GABBR2: variants seen among roughly 807,000 people sequenced by gnomAD.
The protein encoded by GABBR2 is G-protein coupled receptor 51.
A neutral mutation model predicts 105.6 loss-of-function variants in GABBR2; 23 were observed. The ratio of observed to expected loss-of-function variants is 0.22; its 90% CI spans 0.16 to 0.31. The LOEUF (loss-of-function observed/expected upper bound fraction) is 0.31. Ranked by LOEUF, GABBR2 falls within the 10% of genes least tolerant of loss-of-function variation. GABBR2 has a pLI of 1.00. For missense variants in GABBR2, 734 were observed against 1,245.5 expected (o/e 0.59, Z 6.18); for synonymous variants, 478 against 499.7 (o/e 0.96, Z 0.58).
intron 12 of GABBR2, among the ~76,000 whole-genome samples, chr9:98,371,083 C>T (rs1171348878): frequency 6.6e-6 from 1 of 152,108 alleles, no homozygotes; most frequent in African/African-American, 2.4e-5. Context: ...TCTCTCGGCC[C>T]CTGACCACCC....
intron 13 of GABBR2, among the ~76,000 whole-genome samples, chr9:98,350,710 C>T (rs13440113): frequency 5.3e-5 from 8 of 152,312 alleles, no homozygotes; most frequent in African/African-American, 1.9e-4. Context: ...AACGTGTATT[C>T]TGTAGCCATT....
At chr9:98,294,042 G>A in intron 17 of GABBR2, 140 bp from the exon 18 acceptor site, 1 of 674,658 alleles carries the variant, frequency 1.5e-6, no homozygotes, top group Non-Finnish European at 2.7e-6. Flanking sequence ...CTAAGCTGAG[G>A]TCTGTGTAGT....
intron 1 of GABBR2, among the ~76,000 whole-genome samples, chr9:98,698,782 G>A (rs1830790337): frequency 6.6e-6 from 1 of 152,104 alleles, no homozygotes; most frequent in South Asian, 2.1e-4. Context: ...ACAGGCATGA[G>A]CCACTGCACC....
intron 8 of GABBR2, among the ~76,000 whole-genome samples, chr9:98,400,362 A>G (rs1314760981): frequency 6.6e-6 from 1 of 152,148 alleles, no homozygotes; most frequent in Non-Finnish European, 1.5e-5. Flanking sequence ...CCGTCAAAAA[A>G]TGAGGGATCC....
chr9:98,349,356 T>G (rs1289179733), intron 13 of GABBR2, among the ~76,000 whole-genome samples: 7 of 16,832 alleles, frequency 4.2e-4, no homozygotes, highest in Admixed American at 1.1e-3. Context: ...TTTGTTTTTT[T>G]TTTTTTTTTT....
intron 13 of GABBR2, among the ~76,000 whole-genome samples, chr9:98,348,687 A>G (rs893129685): frequency 5.3e-5 from 8 of 152,132 alleles, no homozygotes; most frequent in Non-Finnish European, 1.2e-4. Flanking sequence ...TTTTGTAGCT[A>G]TTATAAATGA....
intron 1 of GABBR2, among the ~76,000 whole-genome samples, chr9:98,677,156 T>C (rs1195295510): frequency 6.6e-6 from 1 of 152,244 alleles, no homozygotes; most frequent in Admixed American, 6.5e-5. Flanking sequence ...GGAGCCCAAC[T>C]GCACTACCGT....
intron 4 of GABBR2, among the ~76,000 whole-genome samples, chr9:98,492,329 C>T (rs1180658205): frequency 4.1e-5 from 3 of 73,724 alleles, no homozygotes; most frequent in Non-Finnish European, 5.6e-5. Flanking sequence ...GTCTTGAGCC[C>T]GCTTAAGTTT....
At position 98,584,151 on chromosome 9, in the gene GABBR2, G is replaced by A. The variant is rs369380074; in HGVS notation, c.322-6079C>T. 3.3e-4 allele frequency among the ~76,000 whole-genome samples: 49 copies of A among 147,378 alleles called. No individual in the cohort carries two copies. In the South Asian group the frequency reaches 8.1e-3, roughly 24 times the overall value. ...TTCCCCCCACCACACCTCCCCCACC[G>A]GAAACCCCACTCACTTCTAGAGGAT... On this transcript the variant is annotated intron_variant, in intron 1 of 18. Transcript: ENST00000259455.
At chr9:98,467,892 G>A (rs146327740) in intron 6 of GABBR2, among the ~76,000 whole-genome samples, 9 of 152,328 alleles carry the variant, frequency 5.9e-5, no homozygotes, top group South Asian at 2.1e-4. Flanking sequence ...CTGAGCCATC[G>A]CTGGAGAAAT....
intron 3 of GABBR2, among the ~76,000 whole-genome samples, chr9:98,513,811 A>ACTG (rs1431036368): frequency 6.6e-6 from 1 of 152,180 alleles, no homozygotes; most frequent in Non-Finnish European, 1.5e-5. Flanking sequence ...TGTTGGTGGG[A>ACTG]CTGTAAACTA....
intron 4 of GABBR2, among the ~76,000 whole-genome samples, chr9:98,485,587 A>G (rs1168720669): frequency 6.6e-6 from 1 of 152,254 alleles, no homozygotes; most frequent in South Asian, 2.1e-4. Context: ...AAGAACTAGC[A>G]TGTACCCCCA....
At chr9:98,605,396 G>A (rs773889272) in intron 1 of GABBR2, among the ~76,000 whole-genome samples, 2 of 152,180 alleles carry the variant, frequency 1.3e-5, no homozygotes, top group South Asian at 2.1e-4. Context: ...TGGGCCACTC[G>A]CCACCCTGAG....
chr9:98,427,120 C>A (rs915707926), intron 7 of GABBR2, among the ~76,000 whole-genome samples: 5 of 152,176 alleles, frequency 3.3e-5, no homozygotes, highest in Non-Finnish European at 5.9e-5. Flanking sequence ...GTTCTTCTAG[C>A]GGCAGAAACC....
chr9:98,612,500 A>T (rs1275544436), intron 1 of GABBR2, among the ~76,000 whole-genome samples: 1 of 152,186 alleles, frequency 6.6e-6, no homozygotes, highest in Non-Finnish European at 1.5e-5. Flanking sequence ...AGTTATGTAC[A>T]TTCTAATGTG....
rs908600764 is a variant in GABBR2 at position 98,547,725 on chromosome 9, A to T, written c.460-5682T>A. 5.8e-5 allele frequency among the ~76,000 whole-genome samples: 7 copies of T among 120,946 alleles called. 1 individual carries two copies. The highest frequency in any genetic ancestry group is 1.9e-4 in the African/African-American group (7 of 37,768). 79.3% of individuals were successfully genotyped at this position (120,946 alleles called of 152,430 possible). On this transcript the variant is annotated intron_variant, in intron 2 of 18. Coordinates refer to ENST00000259455, the MANE Select transcript of GABBR2 (RefSeq NM_005458.8). ...AGTATTTGATATTATCTGACTTCCT[A>T]ATTTTTGTTAGTCTTTCAGAGATAA...
chr9:98,569,663 G>A (rs539995851), intron 2 of GABBR2, among the ~76,000 whole-genome samples: 117 of 152,290 alleles, frequency 7.7e-4, no homozygotes, highest in African/African-American at 2.8e-3. Flanking sequence ...GGTGAGCCAC[G>A]GAGCCCAGTG....
chr9:98,342,583 G>A (rs1337066653), intron 13 of GABBR2, among the ~76,000 whole-genome samples: 2 of 152,212 alleles, frequency 1.3e-5, no homozygotes, highest in Non-Finnish European at 2.9e-5. Flanking sequence ...AACGGCCCCT[G>A]TGGAGTTCCA....
chr9:98,529,717 A>G (rs1286828242), intron 3 of GABBR2, among the ~76,000 whole-genome samples: 1 of 152,186 alleles, frequency 6.6e-6, no homozygotes, highest in Non-Finnish European at 1.5e-5. Flanking sequence ...TTTTCCTTTG[A>G]ATTACTGTAG....
Sources: gnomAD v4.1 joint callset for allele counts (sites outside exome capture counted in the v4.1 genomes callset) on GRCh38, gnomAD v4.1.1 for gene constraint, MANE v1.5 for transcripts, NCBI Gene and HGNC (gene_info 2026-07-23, HGNC 2026-07-21) for gene names.